The following ANO6 variants were observed in gnomAD, a reference collection of about 807,000 sequenced individuals.
ANO6 encodes the protein anoctamin-6.
ANO6 carries 106 observed loss-of-function variants against 117.5 expected under a neutral mutation model. The observed-to-expected ratio is 0.90, with a 90% confidence interval of 0.77 to 1.06. The LOEUF (loss-of-function observed/expected upper bound fraction) is 1.06. ANO6 is among the 50% of genes least tolerant of loss of function. ANO6 has a pLI of 0.00. For synonymous variants in ANO6, 367 were observed against 385.1 expected (o/e 0.95, Z 0.55); for missense variants, 955 against 1,121.1 (o/e 0.85, Z 2.12).
intron 12 of ANO6, among the ~76,000 whole-genome samples, chr12:45,401,552 C>G (rs1942786635): frequency 6.6e-6 from 1 of 152,154 alleles, no homozygotes; most frequent in Admixed American, 6.5e-5. Context: ...TCCCACCACC[C>G]CCTGCACCCA....
At position 45,348,022 on chromosome 12, in the gene ANO6, A is replaced by G. The variant is rs748598548; in HGVS notation, c.346-6A>G. On this transcript the variant is annotated splice_region_variant and splice_polypyrimidine_tract_variant and intron_variant, in intron 4 of 19. Transcript: ENST00000320560. ...CTTGTTCTGCGTTTTTATTTTTCCA[A>G]TATAGGTATTGGATGACAAGCTTGT... 9 of 1,612,926 alleles carry G rather than the reference A, an allele frequency of 5.6e-6. No homozygotes were observed. Among genetic ancestry groups the G allele is most frequent in the African/African-American group, 4.0e-5 (3 of 74,864 alleles).
Position 45,390,442 on chromosome 12 carries a change from A to G in ANO6, c.1330A>G (p.Thr444Ala), listed in dbSNP as rs572098938. 6.8e-6 allele frequency: 11 copies of G among 1,613,948 alleles called. No homozygotes were observed. In the South Asian group the frequency reaches 8.8e-5, roughly 13 times the overall value. Residue 444 changes from threonine (T) to alanine (A), a missense_variant, in exon 12 of 20, where the codon ACT becomes GCT. Transcript: ENST00000320560. ...TTAGGAAGAAGAACGCATTCCCTTTACTGCCTGGGGAAAATGTATACGGAT... is the reference window on the plus strand; with the variant it reads ...TTAGGAAGAAGAACGCATTCCCTTTGCTGCCTGGGGAAAATGTATACGGAT... ...ITQEEERIPF[T>A]AWGKCIRITL...
intron 19 of ANO6, among the ~76,000 whole-genome samples, chr12:45,426,147 T>A (rs1943496184): frequency 6.6e-6 from 1 of 152,134 alleles, no homozygotes; most frequent in African/African-American, 2.4e-5. Flanking sequence ...TACGCAAAAT[T>A]TTTAAAAATG....
In ANO6 at chr12:45,315,241, T is replaced by A. The variant is rs147975508; in HGVS notation, c.150+13148T>A. On this transcript the variant is annotated intron_variant, in intron 2 of 19. Transcript: ENST00000320560. ...AACTGAATTTTTAATTAATTCTTAT[T>A]CATGTAATTTCAATAGCCATGTGTG... Among the ~76,000 whole-genome samples the A allele has an allele frequency of 1.7e-3, 262 of 152,194 alleles. 2 individuals are homozygous for A. Among genetic ancestry groups the A allele is most frequent in the African/African-American group, 5.1e-3 (210 of 41,556 alleles).
intron 1 of ANO6, among the ~76,000 whole-genome samples, chr12:45,268,503 G>A (rs1013501967): frequency 5.9e-5 from 9 of 152,188 alleles, no homozygotes; most frequent in African/African-American, 1.9e-4. Context: ...CTGGGTGACA[G>A]AGTGAGACCC....
intron 1 of ANO6, among the ~76,000 whole-genome samples, chr12:45,231,020 C>A (rs1057441781): frequency 7.2e-5 from 11 of 152,134 alleles, no homozygotes; most frequent in African/African-American, 2.7e-4. Context: ...GGTGGGAGGA[C>A]TGCTTGAGCC....
intron 1 of ANO6, among the ~76,000 whole-genome samples, chr12:45,229,865 C>G (rs1947548205): frequency 1.3e-5 from 2 of 148,466 alleles, no homozygotes; most frequent in Non-Finnish European, 3.0e-5. Context: ...AACACAACTT[C>G]CCGCCCACCC....
At chr12:45,290,454 G>T (rs1052596373) in intron 1 of ANO6, among the ~76,000 whole-genome samples, 2 of 152,086 alleles carry the variant, frequency 1.3e-5, no homozygotes, top group Non-Finnish European at 2.9e-5. Context: ...TATAATCTGG[G>T]AACTGACAGG....
chr12:45,267,111 G>C (rs1938244570), intron 1 of ANO6, among the ~76,000 whole-genome samples: 1 of 151,998 alleles, frequency 6.6e-6, no homozygotes, highest in African/African-American at 2.4e-5. Context: ...AGTTTGCTGG[G>C]GCTGCCATGA....
intron 1 of ANO6, among the ~76,000 whole-genome samples, chr12:45,236,711 T>C (rs79785741): frequency 0.057 from 8,727 of 152,290 alleles, 485 homozygotes; most frequent in East Asian, 0.3. Flanking sequence ...GTCTTCATAG[T>C]AGAATGATTT....
In ANO6 at chr12:45,401,094, G is replaced by T. The variant is rs1340616531; in HGVS notation, c.1387-701G>T. Among the ~76,000 whole-genome samples, 4 of 152,202 alleles carry T rather than the reference G, an allele frequency of 2.6e-5. No individual in the cohort carries two copies. The East Asian group carries it at 5.8e-4, about 22-fold the overall frequency. ...ATCTTGTGGAAATACAAGTACAAAT[G>T]ACTGCCAGTTTAAGGTCGTAAGATC... is the stretch of plus-strand genomic sequence containing the variant. On this transcript the variant is annotated intron_variant, in intron 12 of 19. Transcript: ENST00000320560.
At chr12:45,238,151 C>CTTTTTTTTTTTTT (rs71437709) in intron 1 of ANO6, among the ~76,000 whole-genome samples, 3 of 130,874 alleles carry the variant, frequency 2.3e-5, no homozygotes, top group Non-Finnish European at 3.2e-5. Flanking sequence ...TTTTCTTTTT[C>CTTTTTTTTTTTTT]TTTTTTTTTT....
At chr12:45,394,064 A>G (rs1399678094) in intron 12 of ANO6, among the ~76,000 whole-genome samples, 1 of 152,212 alleles carries the variant, frequency 6.6e-6, no homozygotes, top group African/African-American at 2.4e-5. Flanking sequence ...TTGGATAAAG[A>G]GTCAAGACCC....
chr12:45,320,314 T>A (rs1940214150), intron 2 of ANO6, among the ~76,000 whole-genome samples: 2 of 152,196 alleles, frequency 1.3e-5, no homozygotes, highest in Admixed American at 1.3e-4. Flanking sequence ...TTCTGGTATG[T>A]TGTGTCTTTT....
chr12:45,218,186 G>A (rs545667749), intron 1 of ANO6, among the ~76,000 whole-genome samples: 22 of 152,140 alleles, frequency 1.4e-4, no homozygotes, highest in Non-Finnish European at 2.6e-4. Flanking sequence ...ATACTTTAGT[G>A]TTAATATTAG....
intron 13 of ANO6, among the ~76,000 whole-genome samples, chr12:45,402,726 AT>A (rs1283834001): frequency 6.6e-6 from 1 of 152,252 alleles, no homozygotes; most frequent in Non-Finnish European, 1.5e-5. Flanking sequence ...AGAGAATATC[AT>A]TTAGCAGGCA....
At chr12:45,221,139 T>A (rs567475192) in intron 1 of ANO6, among the ~76,000 whole-genome samples, 3 of 152,112 alleles carry the variant, frequency 2.0e-5, no homozygotes, top group African/African-American at 7.2e-5. Context: ...CCGAATTGAG[T>A]TGATTTAGAG....
At chr12:45,385,288 C>A (rs1458039895) in intron 10 of ANO6, among the ~76,000 whole-genome samples, 1 of 152,006 alleles carries the variant, frequency 6.6e-6, no homozygotes, top group Non-Finnish European at 1.5e-5. Context: ...ATAAAATGGG[C>A]CCTTTCTGAG....
intron 7 of ANO6, among the ~76,000 whole-genome samples, chr12:45,352,560 TAAAA>T (rs5797940): frequency 2.1e-5 from 2 of 93,926 alleles, no homozygotes; most frequent in Non-Finnish European, 4.1e-5. Flanking sequence ...GATCCAGTCT[TAAAA>T]AAAAAAAAAA....
Sources: allele counts gnomAD v4.1 joint callset (sites outside exome capture counted in the v4.1 genomes callset), GRCh38; gene constraint gnomAD v4.1.1; transcripts MANE v1.5; gene names NCBI Gene and HGNC (gene_info 2026-07-23, HGNC 2026-07-21).